The following DGKI variants were observed in gnomAD, a reference collection of about 807,000 sequenced individuals.
The protein encoded by DGKI is DAG kinase iota.
In DGKI, 55 loss-of-function variants were observed where a neutral mutation model predicts 147.5. The observed-to-expected ratio is 0.37, with a 90% CI of 0.30 to 0.47. The LOEUF (loss-of-function observed/expected upper bound fraction) is 0.47. Among genes scored for constraint, DGKI ranks in the 20% least tolerant of loss-of-function variants. The pLI, the probability that DGKI is intolerant of heterozygous loss-of-function variation, is 1.00. For missense variants in DGKI, 1,007 were observed against 1,323.8 expected (o/e 0.76, Z 3.71); for synonymous variants, 469 against 477.1 (o/e 0.98, Z 0.22).
chr7:137,480,721 A>G (rs1815342447), intron 23 of DGKI, among the ~76,000 whole-genome samples: 1 of 152,154 alleles, frequency 6.6e-6, no homozygotes, highest in Admixed American at 6.5e-5. Context: ...AAGTGAGTTA[A>G]TTCTTAGAGA....
intron 1 of DGKI, among the ~76,000 whole-genome samples, chr7:137,765,643 C>T (rs1457417975): frequency 6.6e-6 from 1 of 152,216 alleles, no homozygotes; most frequent in Non-Finnish European, 1.5e-5. Context: ...AGAACCACTG[C>T]CACCATCAGC....
intron 17 of DGKI, among the ~76,000 whole-genome samples, chr7:137,575,054 T>C (rs1472854557): frequency 6.6e-6 from 1 of 152,182 alleles, no homozygotes; most frequent in South Asian, 2.1e-4. Flanking sequence ...TCTCTCTATG[T>C]CACAGCACAA....
chr7:137,744,421 A>G (rs1795266609), intron 1 of DGKI, among the ~76,000 whole-genome samples: 2 of 152,188 alleles, frequency 1.3e-5, no homozygotes, highest in Non-Finnish European at 1.5e-5. Flanking sequence ...TACCATCCAA[A>G]AAAACCTGGG....
chr7:137,827,043 C>T (rs1006525071), intron 1 of DGKI, among the ~76,000 whole-genome samples: 3 of 152,094 alleles, frequency 2.0e-5, no homozygotes, highest in Non-Finnish European at 4.4e-5. Flanking sequence ...CCACCATGGC[C>T]CCTGCAGACA....
intron 1 of DGKI, among the ~76,000 whole-genome samples, chr7:137,726,004 G>A (rs1794707400): frequency 6.6e-6 from 1 of 152,152 alleles, no homozygotes; most frequent in Non-Finnish European, 1.5e-5. Flanking sequence ...TCAAATGTCA[G>A]CTATTTTAAC....
intron 1 of DGKI, among the ~76,000 whole-genome samples, chr7:137,718,547 C>T (rs1041665017): frequency 1.1e-4 from 17 of 152,202 alleles, no homozygotes; most frequent in Admixed American, 4.6e-4. Context: ...ACGCAAGGCT[C>T]CAGACACACA....
In DGKI at chr7:137,718,869, T is replaced by C. The variant is rs372152647; in HGVS notation, c.402-28867A>G. On this transcript the variant is annotated intron_variant, in intron 1 of 32. Transcript: ENST00000614521. ...AGCAAAACTCTTCCTGTTGGGGGAC[T>C]TGTGGCCAATGTGATCACTGCAAAA... Among the ~76,000 whole-genome samples the C allele has an allele frequency of 1.5e-3, 232 of 152,290 alleles. 1 individual carries two copies. The highest frequency in any genetic ancestry group is 5.4e-3 in the African/African-American group (226 of 41,574).
intron 2 of DGKI, among the ~76,000 whole-genome samples, chr7:137,680,765 A>G (rs950625855): frequency 6.6e-5 from 10 of 152,228 alleles, no homozygotes; most frequent in African/African-American, 2.4e-4. Context: ...TGGGCAATGG[A>G]TCAATATTCT....
chr7:137,564,453 A>G (rs1051806447), intron 19 of DGKI, among the ~76,000 whole-genome samples: 2 of 152,156 alleles, frequency 1.3e-5, no homozygotes, highest in African/African-American at 4.8e-5. Context: ...AACAAAAAGA[A>G]TTTATTTTTA....
At chr7:137,690,299 C>T (rs1823561359) in intron 1 of DGKI, among the ~76,000 whole-genome samples, 1 of 151,810 alleles carries the variant, frequency 6.6e-6, no homozygotes, top group Non-Finnish European at 1.5e-5. Context: ...AAGGTCTTGA[C>T]TCTTCATTTA....
At chr7:137,421,530 T>C (rs1812570708) in intron 28 of DGKI, among the ~76,000 whole-genome samples, 1 of 152,226 alleles carries the variant, frequency 6.6e-6, no homozygotes, top group African/African-American at 2.4e-5. Context: ...AGAAAACCTC[T>C]ACCTTGCTGC....
intron 30 of DGKI, among the ~76,000 whole-genome samples, chr7:137,398,866 A>C (rs895695575): frequency 2.0e-5 from 3 of 152,014 alleles, no homozygotes; most frequent in African/African-American, 7.2e-5. Flanking sequence ...ACCAAGAAAG[A>C]TAAGAAGGTC....
chr7:137,767,483 AAG>A (rs1796048642), intron 1 of DGKI, among the ~76,000 whole-genome samples: 1 of 140,120 alleles, frequency 7.1e-6, no homozygotes, highest in Admixed American at 6.9e-5. Context: ...AAGAGAAGAG[AAG>A]AGAAGAGAAG....
chr7:137,809,563 G>GT (rs1797495023), intron 1 of DGKI, among the ~76,000 whole-genome samples: 1 of 152,088 alleles, frequency 6.6e-6, no homozygotes, highest in African/African-American at 2.4e-5. Flanking sequence ...CCTGATATGC[G>GT]TAAGTTTAGA....
chr7:137,513,304 C>G (rs1483922056), intron 21 of DGKI, among the ~76,000 whole-genome samples: 1 of 152,142 alleles, frequency 6.6e-6, no homozygotes, highest in Admixed American at 6.5e-5. Flanking sequence ...TATTGCTCAC[C>G]AGGTTCCATC....
At chr7:137,454,985 G>A (rs753703399) in intron 27 of DGKI, 3 of 152,132 alleles carry the variant, frequency 2.0e-5, no homozygotes, top group Non-Finnish European at 2.9e-5. Flanking sequence ...GGGCTTATAA[G>A]CAAGGCACCT....
chr7:137,587,347 G>A, intron 12 of DGKI, 137 bp from the exon 13 acceptor site: 1 of 613,080 alleles, frequency 1.6e-6, no homozygotes, highest in Non-Finnish European at 2.6e-6. Context: ...TTTTCATTCA[G>A]TGAGTAGGGA....
At position 137,846,510 on chromosome 7, in the gene DGKI, A is replaced by G. The variant is rs1798737415; in HGVS notation, c.353T>C (p.Leu118Pro). The G allele has an allele frequency of 6.3e-7, 1 of 1,586,688 alleles. No individual in the cohort carries two copies. Among genetic ancestry groups the G allele is most frequent in the African/African-American group, 1.4e-5 (1 of 73,452 alleles). ...AAGQKEKDEA[L>P]EEKLRNLTFR... ...AGTTAAGTTCCTCAGCTTCTCCTCC[A>G]GCGCTTCGTCCTTCTCCTTCTGGCC... Residue 118 changes from leucine to proline, a missense_variant, in exon 1 of 33, where the codon CTG (leucine) becomes CCG (proline). Coordinates refer to ENST00000614521, the MANE Select transcript of DGKI (RefSeq NM_001321708.2). This position sits in a 1 kb window ranked among gnomAD's most constrained non-coding sequence, Gnocchi z 4.0.
At chr7:137,492,606 A>G (rs1815808481) in intron 21 of DGKI, among the ~76,000 whole-genome samples, 1 of 152,102 alleles carries the variant, frequency 6.6e-6, no homozygotes, top group Non-Finnish European at 1.5e-5. Context: ...GCTGGAAGGG[A>G]TAGTTGCTTA....
Sources: allele counts gnomAD v4.1 joint callset (sites outside exome capture counted in the v4.1 genomes callset), GRCh38; gene constraint gnomAD v4.1.1; non-coding constraint Gnocchi (gnomAD v3.1); transcripts MANE v1.5; gene names NCBI Gene and HGNC (gene_info 2026-07-23, HGNC 2026-07-21).